BRWD1: variants seen among roughly 807,000 people sequenced by gnomAD.
BRWD1 encodes the protein bromodomain and WD repeat domain containing 1.
In BRWD1, 82 loss-of-function variants were observed where a neutral mutation model predicts 251.2. The ratio of observed to expected loss-of-function variants is 0.33; its 90% confidence interval spans 0.27 to 0.39. BRWD1 has a LOEUF of 0.39. Among genes scored for constraint, BRWD1 ranks in the 10% least tolerant of loss-of-function variants. The pLI is 1.00. For missense variants in BRWD1, 2,233 were observed against 2,711.6 expected (o/e 0.82, Z 3.92); for synonymous variants, 918 against 902.8 (o/e 1.02, Z -0.30).
At chr21:39,185,358 TC>T (rs1308679326), downstream of BRWD1, 2 of 148,420 alleles carry the variant, frequency 1.3e-5, no homozygotes, top group African/African-American at 2.5e-5. Flanking sequence ...GTTAAGTATT[TC>T]ATTTTATAGT....
intron 30 of BRWD1, 89 bp downstream of exon 30, chr21:39,218,411 AAGAAC>A (rs2033041611): frequency 1.4e-6 from 2 of 1,441,086 alleles, no homozygotes; most frequent in Middle Eastern, 1.8e-4. Context: ...AAGTGTAGAA[AAGAAC>A]AGAAACCTCA....
intron 21 of BRWD1, among the ~76,000 whole-genome samples, chr21:39,239,151 AAT>A (rs1240203281): frequency 6.6e-6 from 1 of 152,050 alleles, no homozygotes; most frequent in African/African-American, 2.4e-5. Context: ...TCATTCTTTT[AAT>A]AGTGTCTTTC....
chr21:39,312,716 C>G lies in BRWD1; in HGVS notation c.198+125G>C, dbSNP rs1471379057. The G allele has an allele frequency of 1.9e-5, 11 of 568,922 alleles. No individual in the cohort carries two copies. The East Asian group carries it at 2.6e-4, about 14-fold the overall frequency. 35.2% of individuals were successfully genotyped at this position (568,922 alleles called of 1,614,324 possible). On this transcript the variant is annotated intron_variant, in intron 4 of 40. Coordinates refer to ENST00000342449, the MANE Select transcript of BRWD1 (RefSeq NM_033656.4). ...ATCTTCAGCCGGGAACGCAGCTATCCCCGGGCCGCCCCCCAGTGCGGGTCA... is the reference window on the plus strand; with the variant it reads ...ATCTTCAGCCGGGAACGCAGCTATCGCCGGGCCGCCCCCCAGTGCGGGTCA...
rs1478642761 is a variant in BRWD1 at position 39,186,040 on chromosome 21, A to G, written c.*10219T>C. 2.6e-5 allele frequency: 4 copies of G among 152,160 alleles called. No homozygotes were observed. The highest frequency in any genetic ancestry group is 6.5e-5 in the Admixed American group (1 of 15,274). 9.4% of individuals were successfully genotyped at this position (152,160 alleles called of 1,614,324 possible). ...GAAATAGGCCAAACATGCTACCATT[A>G]AAGTTTGTTGGGATGAGATTGTAGT... On this transcript the variant is annotated 3_prime_UTR_variant, in exon 41 of 41. Transcript: ENST00000342449.
At chr21:39,250,724 T>C (rs2034367298) in intron 20 of BRWD1, 72 bp downstream of exon 20, 5 of 991,458 alleles carry the variant, frequency 5.0e-6, no homozygotes, top group Non-Finnish European at 5.9e-6. Flanking sequence ...ACTGATAGTT[T>C]TATAAATCAA....
chr21:39,197,428 G>T lies in BRWD1; in HGVS notation c.5654-13C>A. 2 of 1,533,340 alleles carry T rather than the reference G, an allele frequency of 1.3e-6. No individual in the cohort carries two copies. The highest frequency in any genetic ancestry group is 1.8e-6 in the Non-Finnish European group (2 of 1,139,514). The allele number at this position is 1,533,340 out of a possible 1,614,324, so 95.0% of individuals were successfully genotyped here. Reference sequence around the variant, plus strand: ...TGTGATGCAGAATCTAAAAGTTAAAGAGCAGATTTCTATTAATCTTTTGTA... The same window carrying T: ...TGTGATGCAGAATCTAAAAGTTAAATAGCAGATTTCTATTAATCTTTTGTA... On this transcript the variant is annotated splice_polypyrimidine_tract_variant and intron_variant, in intron 40 of 40. Coordinates refer to ENST00000342449, the MANE Select transcript of BRWD1 (RefSeq NM_033656.4).
chr21:39,257,650 T>C (rs1396284617), intron 18 of BRWD1, among the ~76,000 whole-genome samples: 1 of 152,120 alleles, frequency 6.6e-6, no homozygotes, highest in Non-Finnish European at 1.5e-5. Flanking sequence ...ATATCAACAA[T>C]TATCATATTC....
rs1336585035 is a variant in BRWD1 at position 39,193,042 on chromosome 21, T to G, written c.*3217A>C. 3.0e-5 allele frequency: 30 copies of G among 985,082 alleles called. No homozygotes were observed. Among genetic ancestry groups the G allele is most frequent in the Non-Finnish European group, 3.5e-5 (29 of 829,748 alleles). 61.0% of individuals were successfully genotyped at this position (985,082 alleles called of 1,614,324 possible). ...GCAAAGGGCTTAGTGATGCATCTTA[T>G]TCTTTACTTTTGGACAGTAACACCC... On this transcript the variant is annotated 3_prime_UTR_variant, in exon 41 of 41. Coordinates refer to ENST00000342449, the MANE Select transcript of BRWD1 (RefSeq NM_033656.4).
intron 17 of BRWD1, among the ~76,000 whole-genome samples, chr21:39,263,631 C>A (rs1418289579): frequency 5.3e-5 from 8 of 152,150 alleles, no homozygotes; most frequent in Non-Finnish European, 1.0e-4. Context: ...AGCAATGATA[C>A]ATATGATGCA....
chr21:39,222,263 T>C (rs2033209246), intron 29 of BRWD1, among the ~76,000 whole-genome samples: 1 of 152,118 alleles, frequency 6.6e-6, no homozygotes, highest in Non-Finnish European at 1.5e-5. Context: ...CACCGCCAAA[T>C]AATGGAAGCA....
chr21:39,192,758 CA>C lies in BRWD1; in HGVS notation c.*3500del. 1.0e-6 allele frequency: 1 copy of C among 984,846 alleles called. No individual in the cohort carries two copies. Among genetic ancestry groups the C allele is most frequent in the Non-Finnish European group, 1.2e-6 (1 of 829,610 alleles). 61.0% of individuals were successfully genotyped at this position (984,846 alleles called of 1,614,324 possible). ...TGATACAATGGAGTGGAAAGGAAAA[CA>C]AAAAAGATCGTAAGCACCTTTAACA... On this transcript the variant is annotated 3_prime_UTR_variant, in exon 41 of 41. Coordinates refer to ENST00000342449, the MANE Select transcript of BRWD1 (RefSeq NM_033656.4).
chr21:39,262,311 C>T (rs2034777712), intron 17 of BRWD1, among the ~76,000 whole-genome samples: 1 of 152,162 alleles, frequency 6.6e-6, no homozygotes, highest in South Asian at 2.1e-4. Context: ...CCATCTATTC[C>T]ATGGGGTATT....
rs746577401 is a variant in BRWD1, at chr21:39,213,497, T to G, written c.3842A>C (p.Gln1281Pro). ...ELSNTSENDEQNAEDLDDSDL... is the reference protein window; with the variant it reads ...ELSNTSENDEPNAEDLDDSDL... ...ACTTCATACCAAATCCTCAGCATTT[T>G]GCTCATCATTTTCAGATGTGTTAGA... The change falls in exon 33 of 41, where the codon CAA (glutamine) becomes CCA (proline). Residue 1281 changes from glutamine to proline, a missense_variant. Physicochemically the swap from Gln to Pro is moderately conservative, Grantham distance 76. Transcript: ENST00000342449. 37 of 1,611,468 alleles carry G rather than the reference T, an allele frequency of 2.3e-5. No homozygotes were observed. The highest frequency in any genetic ancestry group is 5.1e-6 in the Non-Finnish European group (6 of 1,179,124).
intron 1 of BRWD1, among the ~76,000 whole-genome samples, chr21:39,319,239 C>T (rs996348104): frequency 3.3e-5 from 5 of 152,294 alleles, no homozygotes; most frequent in Admixed American, 2.0e-4. Context: ...AACCAGCTGT[C>T]CCCTTAATGC....
rs143919817 is a variant in BRWD1, at chr21:39,281,489, G to C, written c.832-1241C>G. On this transcript the variant is annotated intron_variant, in intron 8 of 40. Transcript: ENST00000342449. ...GAGTGAGAATTGCTTGAGTCCAAGA[G>C]TTCAAGACCAGCCTAGGTGACATGG... Among the ~76,000 whole-genome samples, 132 of 152,194 alleles carry C rather than the reference G, an allele frequency of 8.7e-4. 1 individual carries two copies. Among genetic ancestry groups the C allele is most frequent in the South Asian group, 2.7e-3 (13 of 4,824 alleles).
intron 38 of BRWD1, among the ~76,000 whole-genome samples, chr21:39,201,990 TTAC>T (rs974793091): frequency 2.0e-5 from 3 of 152,334 alleles, no homozygotes; most frequent in African/African-American, 7.2e-5. Context: ...AGTTTAGAAT[TTAC>T]TACGTCATCA....
Position 39,214,315 on chromosome 21 carries a change from G to A in BRWD1, c.3786-762C>T, listed in dbSNP as rs144846352. On this transcript the variant is annotated intron_variant, in intron 32 of 40. Transcript: ENST00000342449. Reference sequence around the variant, plus strand: ...ACTTCTGAATTTAAGAAAATCTACAGAATATTCACACGTATACAAACATTT... The same window carrying A: ...ACTTCTGAATTTAAGAAAATCTACAAAATATTCACACGTATACAAACATTT... Among the ~76,000 whole-genome samples, 542 of 152,190 alleles carry A rather than the reference G, an allele frequency of 3.6e-3. 5 individuals are homozygous for A. Among genetic ancestry groups the A allele is most frequent in the African/African-American group, 0.012 (503 of 41,516 alleles).
chr21:39,199,559 T>C lies in BRWD1; in HGVS notation c.4857A>G (p.Lys1619=). The change falls in exon 40 of 41, where the codon AAA becomes AAG. Residue 1619 remains lysine, a synonymous_variant. Transcript: ENST00000342449. ...CTTTTCGGTTATTTCCAGCTCTGGC[T>C]TTTAGAATTTCACCAGTCTCCAATG... The part of the protein sequence containing the change: ...NNSLETGEIL[K]ARAGNNRKVL... 2 of 1,614,180 alleles carry C rather than the reference T, an allele frequency of 1.2e-6. No homozygotes were observed. Among genetic ancestry groups the C allele is most frequent in the Non-Finnish European group, 1.7e-6 (2 of 1,180,036 alleles).
In BRWD1 at chr21:39,258,016, T is replaced by C. The variant is rs565428689; in HGVS notation, c.2071+471A>G. The stretch of plus-strand genomic sequence containing the variant: ...CATATTGGACTAGAAACAAAGTAAA[T>C]AGTGGAACTAACTGAGGGGAGACTG... On this transcript the variant is annotated intron_variant, in intron 18 of 40. Coordinates refer to ENST00000342449, the MANE Select transcript of BRWD1 (RefSeq NM_033656.4). Among the ~76,000 whole-genome samples, 6 of 152,256 alleles carry C rather than the reference T, an allele frequency of 3.9e-5. No homozygotes were observed. The South Asian group carries it at 8.3e-4, about 21-fold the overall frequency.
Sources: allele counts gnomAD v4.1 joint callset (sites outside exome capture counted in the v4.1 genomes callset), GRCh38; gene constraint gnomAD v4.1.1; transcripts MANE v1.5; gene names NCBI Gene and HGNC (gene_info 2026-07-23, HGNC 2026-07-21).